The following HIP1 variants were observed in gnomAD, a reference collection of about 807,000 sequenced individuals.
HIP1 encodes the protein huntingtin interacting protein 1.
In HIP1, 65 loss-of-function variants were observed where a neutral mutation model predicts 147.6. That is an observed-to-expected ratio of 0.44 (90% confidence interval 0.36 to 0.54). HIP1 has a LOEUF of 0.54. HIP1 is among the 20% of genes least tolerant of loss of function. The pLI, the probability that HIP1 is intolerant of heterozygous loss-of-function variation, is 0.00. For missense variants in HIP1, 1,061 were observed against 1,299.6 expected, an observed-to-expected ratio of 0.82 and a Z score of 2.82; for synonymous variants, 479 against 504.0, an observed-to-expected ratio of 0.95 and a Z score of 0.67.
intron 1 of HIP1, among the ~76,000 whole-genome samples, chr7:75,680,500 T>C (rs1800027913): frequency 6.6e-6 from 1 of 152,244 alleles, no homozygotes; most frequent in South Asian, 2.1e-4. Flanking sequence ...CTTTCTGGGG[T>C]TGCCACTATA....
intron 1 of HIP1, among the ~76,000 whole-genome samples, chr7:75,681,132 T>C (rs1402624547): frequency 1.3e-5 from 2 of 151,874 alleles, no homozygotes; most frequent in Non-Finnish European, 2.9e-5. Flanking sequence ...AGGCTGGTCT[T>C]GACCTCCTGA....
At chr7:75,617,331 G>A (rs1323281894) in intron 1 of HIP1, among the ~76,000 whole-genome samples, 1 of 152,018 alleles carries the variant, frequency 6.6e-6, no homozygotes, top group Middle Eastern at 3.4e-3. Flanking sequence ...CTCCTGCCTC[G>A]GCTTCCCAAA....
At chr7:75,644,118 C>T (rs1439576065) in intron 1 of HIP1, among the ~76,000 whole-genome samples, 2 of 152,108 alleles carry the variant, frequency 1.3e-5, no homozygotes, top group African/African-American at 4.8e-5. Flanking sequence ...TGAGCAAGTT[C>T]CTTAACCTCT....
chr7:75,693,328 C>A (rs974649556), intron 1 of HIP1, among the ~76,000 whole-genome samples: 1 of 152,038 alleles, frequency 6.6e-6, no homozygotes, highest in African/African-American at 2.4e-5. Flanking sequence ...ACATTCTTTT[C>A]CCAAATATCC....
chr7:75,695,403 C>T (rs1424185024), intron 1 of HIP1, among the ~76,000 whole-genome samples: 1 of 152,150 alleles, frequency 6.6e-6, no homozygotes, highest in African/African-American at 2.4e-5. Context: ...AGTTATTCTC[C>T]TTGTTTTCAG....
chr7:75,601,657 T>G (rs1796981000), intron 1 of HIP1, among the ~76,000 whole-genome samples: 1 of 151,822 alleles, frequency 6.6e-6, no homozygotes, highest in East Asian at 1.9e-4. Context: ...AAAAGAAATC[T>G]TATTAGAATT....
At chr7:75,590,160 A>G (rs1242275700) in intron 4 of HIP1, among the ~76,000 whole-genome samples, 3 of 152,218 alleles carry the variant, frequency 2.0e-5, no homozygotes, top group African/African-American at 7.2e-5. Flanking sequence ...TGGAGAGCAC[A>G]GAATAAAACA....
intron 2 of HIP1, 147 bp downstream of exon 2, chr7:75,599,037 A>G: frequency 1.6e-6 from 1 of 636,634 alleles, no homozygotes; most frequent in Non-Finnish European, 2.8e-6. Flanking sequence ...CCTCTCTGAG[A>G]AGCTGCCGTC....
rs201516092 is a variant in HIP1, at chr7:75,556,075, G to A, written c.1778C>T (p.Ala593Val). The A allele has an allele frequency of 1.2e-6, 2 of 1,614,208 alleles. No homozygotes were observed. Among genetic ancestry groups the A allele is most frequent in the Middle Eastern group, 1.6e-4 (1 of 6,062 alleles). The change falls in exon 18 of 31, where the codon GCT becomes GTT. Residue 593 changes from alanine (A) to valine (V), a missense_variant. Transcript: ENST00000336926. The part of the protein sequence containing the change: ...GAAHREEELS[A>V]LRKELQDTQL... ...AGTGTCCTGCAGTTCTTTCCGAAGA[G>A]CAGATAATTCCTCCTCCCTATGAGC...
intron 1 of HIP1, among the ~76,000 whole-genome samples, chr7:75,647,052 A>G (rs1231839898): frequency 6.6e-6 from 1 of 151,370 alleles, no homozygotes; most frequent in African/African-American, 2.4e-5. Context: ...TACCCCTCTC[A>G]CTCTGGTACC....
At chr7:75,651,965 C>T (rs1399370958) in intron 1 of HIP1, among the ~76,000 whole-genome samples, 3 of 150,090 alleles carry the variant, frequency 2.0e-5, no homozygotes, top group Non-Finnish European at 3.0e-5. Flanking sequence ...GCTGAGATTG[C>T]GCCACTGCAC....
chr7:75,611,908 A>C, intron 1 of HIP1: 2 of 999,240 alleles, frequency 2.0e-6, no homozygotes, highest in Non-Finnish European at 2.4e-6. Flanking sequence ...AGCACTCCCC[A>C]TCCTCCGCTC....
chr7:75,660,104 A>G (rs2117209808), intron 1 of HIP1, among the ~76,000 whole-genome samples: 1 of 151,422 alleles, frequency 6.6e-6, no homozygotes, highest in East Asian at 2.0e-4. Flanking sequence ...CCAGCCTGGC[A>G]ACAGAGCAAG....
Position 75,545,204 on chromosome 7 carries a change from A to T in HIP1, c.2560-16T>A. 6.8e-7 allele frequency: 1 copy of T among 1,473,150 alleles called. No individual in the cohort carries two copies. Among genetic ancestry groups the T allele is most frequent in the Non-Finnish European group, 9.5e-7 (1 of 1,054,584 alleles). The allele number at this position is 1,473,150 out of a possible 1,614,324, so 91.3% of individuals were successfully genotyped here. A position where few individuals can be genotyped will look rare whatever the true frequency, so the allele number is the denominator to read the frequency against. On this transcript the variant is annotated splice_polypyrimidine_tract_variant and intron_variant, in intron 25 of 30. Coordinates refer to ENST00000336926, the MANE Select transcript of HIP1 (RefSeq NM_005338.7). ...ATGCTGTACCCTAGGGAAATAAAAA[A>T]TAGTAATAGCCACCTTTTATTGAGC...
At chr7:75,666,503 A>G (rs1799564187) in intron 1 of HIP1, among the ~76,000 whole-genome samples, 1 of 152,214 alleles carries the variant, frequency 6.6e-6, no homozygotes, top group Non-Finnish European at 1.5e-5. Flanking sequence ...AGATACAATC[A>G]ATAAAAGAAA....
At chr7:75,643,811 C>A (rs543791454) in intron 1 of HIP1, among the ~76,000 whole-genome samples, 3 of 152,200 alleles carry the variant, frequency 2.0e-5, no homozygotes, top group African/African-American at 7.2e-5. Flanking sequence ...ACTAGCCTGG[C>A]CAGCATGGTG....
chr7:75,671,249 A>G (rs1799724264), intron 1 of HIP1, among the ~76,000 whole-genome samples: 1 of 151,930 alleles, frequency 6.6e-6, no homozygotes, highest in Admixed American at 6.6e-5. Context: ...ACCCGCCACC[A>G]TGCCTAGCTA....
rs542605168 is a variant in HIP1 at position 75,722,098 on chromosome 7, G to A, written c.120+16703C>T. 7.9e-4 allele frequency among the ~76,000 whole-genome samples: 121 copies of A among 152,232 alleles called. No homozygotes were observed. In the Middle Eastern group the frequency reaches 0.017, roughly 21 times the overall value. On this transcript the variant is annotated intron_variant, in intron 1 of 30. Transcript: ENST00000336926. ...GCAGGAGGATCACTTGAGGCCAGGA[G>A]TTCAAGACCAGCCTGGCCAACATAG...
intron 1 of HIP1, among the ~76,000 whole-genome samples, chr7:75,658,096 T>C (rs1163010559): frequency 6.6e-6 from 1 of 152,134 alleles, no homozygotes; most frequent in Non-Finnish European, 1.5e-5. Context: ...TACCAATCTC[T>C]TCCTCATATT....
Sources: gnomAD v4.1 joint callset for allele counts (sites outside exome capture counted in the v4.1 genomes callset) on GRCh38, gnomAD v4.1.1 for gene constraint, MANE v1.5 for transcripts, NCBI Gene and HGNC (gene_info 2026-07-23, HGNC 2026-07-21) for gene names.